Variants in KCNQ5 observed in about 807,000 individuals in gnomAD.
The protein encoded by KCNQ5 is potassium voltage-gated channel subfamily KQT member 5.
In KCNQ5, 30 loss-of-function variants were observed where a neutral mutation model predicts 98.2. The observed-to-expected ratio is 0.31, with a 90% CI of 0.23 to 0.41. The LOEUF is 0.41. Among genes scored for constraint, KCNQ5 ranks in the 10% least tolerant of loss-of-function variants. KCNQ5 has a pLI of 1.00. For missense variants in KCNQ5, 835 were observed against 1,182.5 expected (o/e 0.71, Z 4.31); for synonymous variants, 458 against 449.4 (o/e 1.02, Z -0.24).
intron 1 of KCNQ5, among the ~76,000 whole-genome samples, chr6:72,830,589 T>C (rs562222013): frequency 1.1e-4 from 17 of 152,274 alleles, no homozygotes; most frequent in Admixed American, 3.9e-4. Flanking sequence ...TAATTCAAGA[T>C]GGATTAAAGA....
chr6:72,752,900 C>G (rs1024372608), intron 1 of KCNQ5, among the ~76,000 whole-genome samples: 1 of 151,952 alleles, frequency 6.6e-6, no homozygotes, highest in Admixed American at 6.6e-5. Context: ...ATGAATTGAT[C>G]GAGGTTCTTC....
chr6:72,914,439 T>C (rs960150649), intron 1 of KCNQ5, among the ~76,000 whole-genome samples: 1 of 150,342 alleles, frequency 6.7e-6, no homozygotes, highest in African/African-American at 2.5e-5. Context: ...AGGGAAGAAA[T>C]AACAAAGCTC....
In KCNQ5 at chr6:73,120,502, C is replaced by A; in HGVS notation, c.1145C>A (p.Ala382Glu). Residue 382 changes from alanine (A) to glutamate (E), a missense_variant, in exon 8 of 14, where the codon GCA becomes GAA. Coordinates refer to ENST00000370398, the MANE Select transcript of KCNQ5 (RefSeq NM_019842.4). ...NLIQCVWRSY[A>E]ADEKSVSIAT... ...ATGCAGTGTGTTTGGCGTAGTTACGCAGCTGATGAGAAATCTGTTTCCATT... is the reference window on the plus strand; with the variant it reads ...ATGCAGTGTGTTTGGCGTAGTTACGAAGCTGATGAGAAATCTGTTTCCATT... 1.2e-6 allele frequency: 2 copies of A among 1,612,716 alleles called. No homozygotes were observed. Among genetic ancestry groups the A allele is most frequent in the Non-Finnish European group, 1.7e-6 (2 of 1,179,066 alleles).
At chr6:73,024,381 T>TGATAGATAGATTAGATAGATAGATA (rs1554198958) in intron 2 of KCNQ5, among the ~76,000 whole-genome samples, 5 of 120,654 alleles carry the variant, frequency 4.1e-5, no homozygotes, top group South Asian at 3.1e-4. Context: ...GATAGATAGA[T>TGATAGATAGATTAGATAGATAGATA]GATAGATAGA....
intron 2 of KCNQ5, among the ~76,000 whole-genome samples, chr6:73,007,430 GAAGA>G (rs1255115468): frequency 6.6e-5 from 10 of 152,256 alleles, no homozygotes; most frequent in African/African-American, 2.4e-4. Context: ...GAGGATTCTA[GAAGA>G]AAGACAGAGT....
rs1207661388 is a variant in KCNQ5 at position 73,129,851 on chromosome 6, T to C, written c.1248-3570T>C. 1.2e-6 allele frequency: 2 copies of C among 1,611,578 alleles called. No individual in the cohort carries two copies. The highest frequency in any genetic ancestry group is 1.7e-6 in the Non-Finnish European group (2 of 1,178,374). On this transcript the variant is annotated intron_variant, in intron 9 of 13. Transcript: ENST00000370398. ...AATGTACACCTCACGGAAGCAGAGG[T>C]ACCCAGCATCCGGGCTATTGACATG...
In KCNQ5 at chr6:72,908,541, A is replaced by G. The variant is rs192789820; in HGVS notation, c.399-95367A>G. 2.7e-3 allele frequency among the ~76,000 whole-genome samples: 418 copies of G among 152,284 alleles called. 2 individuals carry two copies. The highest frequency in any genetic ancestry group is 9.8e-3 in the African/African-American group (406 of 41,580). On this transcript the variant is annotated intron_variant, in intron 1 of 13. Transcript: ENST00000370398. ...CCCCAGACATTTAAAAATATGTCAAAGAATATACTTCATCCACAGGCAGAT... is the reference window on the plus strand; with the variant it reads ...CCCCAGACATTTAAAAATATGTCAAGGAATATACTTCATCCACAGGCAGAT...
At chr6:72,803,852 G>A (rs770680768) in intron 1 of KCNQ5, among the ~76,000 whole-genome samples, 1 of 152,002 alleles carries the variant, frequency 6.6e-6, no homozygotes, top group Non-Finnish European at 1.5e-5. Context: ...ACTTTTGTTT[G>A]TGAGTAATAT....
rs143381325 is a variant in KCNQ5, at chr6:73,106,970, TA to T, written c.1029+1616del. ...ACAAAATGATGAAATCCAGGAGAAT[TA>T]AAAAAAAAAAAATCTTACGTATCCA... On this transcript the variant is annotated intron_variant, in intron 6 of 13. Transcript: ENST00000370398. Among the ~76,000 whole-genome samples, 365 of 151,318 alleles carry T rather than the reference TA, an allele frequency of 2.4e-3. 2 individuals are homozygous for T. The highest frequency in any genetic ancestry group is 6.8e-3 in the Middle Eastern group (2 of 294).
In KCNQ5 at chr6:73,194,533, G is replaced by T. The variant is rs140171454; in HGVS notation, c.1918G>T (p.Ala640Ser). Residue 640 changes from alanine to serine, a missense_variant, in exon 14 of 14, where the codon GCT becomes TCT. Ala to Ser is a moderately conservative substitution (Grantham distance 99). This residue lies in a region of KCNQ5 where 416 missense variants were observed against 446.9 expected (regional missense o/e 0.93). Coordinates refer to ENST00000370398, the MANE Select transcript of KCNQ5 (RefSeq NM_019842.4). ...TCGGAAAGGCTCTGCCTCAGCCCTC[G>T]CTTTGGCTTCATTCCAGATCCCACC... ...VLRKGSASAL[A>S]LASFQIPPFE... 6.2e-7 allele frequency: 1 copy of T among 1,614,152 alleles called. No homozygotes were observed. The highest frequency in any genetic ancestry group is 1.3e-5 in the African/African-American group (1 of 75,028).
intron 3 of KCNQ5, among the ~76,000 whole-genome samples, chr6:73,062,589 G>A (rs1025879662): frequency 9.2e-5 from 14 of 152,048 alleles, no homozygotes; most frequent in Admixed American, 2.6e-4. Context: ...AAAAAAATGT[G>A]GCAATTATTC....
chr6:73,151,639 C>G (rs370480108), intron 10 of KCNQ5, among the ~76,000 whole-genome samples: 1 of 152,292 alleles, frequency 6.6e-6, no homozygotes, highest in East Asian at 1.9e-4. Context: ...AGGTAAATTG[C>G]GTCAGGTAAC....
intron 1 of KCNQ5, among the ~76,000 whole-genome samples, chr6:72,994,625 TC>T (rs1326432605): frequency 6.6e-6 from 1 of 151,714 alleles, no homozygotes; most frequent in Non-Finnish European, 1.5e-5. Context: ...GTCTTCTGCG[TC>T]GCTCACGCTG....
chr6:73,158,552 C>G (rs1253554347), intron 10 of KCNQ5, among the ~76,000 whole-genome samples: 1 of 152,112 alleles, frequency 6.6e-6, no homozygotes, highest in Non-Finnish European at 1.5e-5. Flanking sequence ...AGACATGAGC[C>G]ACCGCACCCG....
At chr6:72,640,492 A>G (rs12196826) in intron 1 of KCNQ5, among the ~76,000 whole-genome samples, 27,557 of 152,176 alleles carry the variant, frequency 0.18, 2,802 homozygotes, top group Middle Eastern at 0.25. Flanking sequence ...TTTAACAACA[A>G]CATTGTATTT....
rs971411462 is a variant in KCNQ5, at chr6:72,704,638, A to T, written c.398+82051A>T. ...GGGGATATTAATTGTTATAAATGAT[A>T]AAAAAAAAAGTTACTTCCATTCATG... On this transcript the variant is annotated intron_variant, in intron 1 of 13. Coordinates refer to ENST00000370398, the MANE Select transcript of KCNQ5 (RefSeq NM_019842.4). Among the ~76,000 whole-genome samples the T allele has an allele frequency of 9.4e-5, 4 of 42,726 alleles. No individual in the cohort carries two copies. In the African/African-American group the frequency reaches 1.4e-3, roughly 14 times the overall value. 28.0% of individuals were successfully genotyped at this position (42,726 alleles called of 152,430 possible).
intron 1 of KCNQ5, among the ~76,000 whole-genome samples, chr6:72,793,452 A>G (rs1774166112): frequency 6.6e-6 from 1 of 152,154 alleles, no homozygotes; most frequent in Non-Finnish European, 1.5e-5. Flanking sequence ...CCATCCAACA[A>G]TTTAATTATA....
intron 6 of KCNQ5, among the ~76,000 whole-genome samples, chr6:73,109,173 G>A (rs1036666546): frequency 1.3e-5 from 2 of 152,182 alleles, no homozygotes; most frequent in Middle Eastern, 3.2e-3. Context: ...CAAGAAATAC[G>A]TAGTGAACAT....
chr6:72,648,706 A>AT (rs1422546537), intron 1 of KCNQ5, among the ~76,000 whole-genome samples: 2 of 151,990 alleles, frequency 1.3e-5, no homozygotes, highest in Non-Finnish European at 2.9e-5. Flanking sequence ...GTATGTGAAT[A>AT]TTTAAATTTT....
Sources: allele counts gnomAD v4.1 joint callset (sites outside exome capture counted in the v4.1 genomes callset), GRCh38; gene constraint gnomAD v4.1.1; regional missense constraint gnomAD v4.1.1; transcripts MANE v1.5; gene names NCBI Gene and HGNC (gene_info 2026-07-23, HGNC 2026-07-21).